GRAMD2B: variants seen among roughly 807,000 people sequenced by gnomAD.
GRAMD2B encodes GRAM domain-containing protein 2B.
GRAMD2B carries 41 observed loss-of-function variants against 59.2 expected under a neutral mutation model. That is an observed-to-expected ratio of 0.69 (90% CI 0.54 to 0.90). The LOEUF is 0.90. Ranked by LOEUF, GRAMD2B falls within the 40% of genes least tolerant of loss-of-function variation. The pLI is 0.00. For synonymous variants in GRAMD2B, 161 were observed against 182.7 expected, an observed-to-expected ratio of 0.88 and a Z score of 0.96; for missense variants, 424 against 500.5, an observed-to-expected ratio of 0.85 and a Z score of 1.46.
chr5:126,400,610 G>A (rs1368212284), intron 1 of GRAMD2B, among the ~76,000 whole-genome samples: 1 of 152,106 alleles, frequency 6.6e-6, no homozygotes, highest in Non-Finnish European at 1.5e-5. Flanking sequence ...TCAACATGAA[G>A]AATGCCCTTT....
At chr5:126,378,304 G>A (rs1488774300) in intron 1 of GRAMD2B, among the ~76,000 whole-genome samples, 2 of 152,084 alleles carry the variant, frequency 1.3e-5, no homozygotes, top group African/African-American at 4.8e-5. Context: ...AGAGATCAAT[G>A]AGTATCAGCT....
intron 1 of GRAMD2B, among the ~76,000 whole-genome samples, chr5:126,394,535 G>A (rs1418098344): frequency 6.6e-6 from 1 of 152,132 alleles, no homozygotes; most frequent in Admixed American, 6.5e-5. Flanking sequence ...AAGTGTTAAA[G>A]TCTTTGATTG....
At chr5:126,367,742 A>ATTTTC (rs200204515), upstream of GRAMD2B, among the ~76,000 whole-genome samples, 1,735 of 151,964 alleles carry the variant, frequency 0.011, 15 homozygotes, top group Non-Finnish European at 0.017. Context: ...GCTTCAGAAG[A>ATTTTC]TTTTCTTTTC....
intron 1 of GRAMD2B, among the ~76,000 whole-genome samples, chr5:126,451,078 G>T (rs1047440015): frequency 2.0e-5 from 3 of 152,168 alleles, no homozygotes; most frequent in Admixed American, 6.5e-5. Flanking sequence ...CCCTACATCT[G>T]GAAAACCCAC....
intron 1 of GRAMD2B, among the ~76,000 whole-genome samples, chr5:126,416,586 A>G (rs1759287154): frequency 6.6e-6 from 1 of 152,194 alleles, no homozygotes; most frequent in South Asian, 2.1e-4. Flanking sequence ...ATAATAAACC[A>G]AGGGACAGAA....
At chr5:126,430,402 T>G (rs1343430861) in intron 1 of GRAMD2B, among the ~76,000 whole-genome samples, 1 of 152,212 alleles carries the variant, frequency 6.6e-6, no homozygotes, top group Non-Finnish European at 1.5e-5. Flanking sequence ...CATTTCCAGG[T>G]GTAATTCCAT....
chr5:126,448,884 G>A (rs761493122), intron 1 of GRAMD2B, among the ~76,000 whole-genome samples: 2 of 152,168 alleles, frequency 1.3e-5, no homozygotes, highest in Admixed American at 6.5e-5. Flanking sequence ...CTTACATGCC[G>A]GCCTCAAACA....
Position 126,486,615 on chromosome 5 carries a change from T to C in GRAMD2B, c.1059-258T>C, listed in dbSNP as rs1462272881. The stretch of plus-strand genomic sequence containing the variant: ...CACTGGCTTGGTACTCCAACTTGGG[T>C]CTGGCTCTGACCAGTGCTATTAGAA... On this transcript the variant is annotated intron_variant, in intron 11 of 13. Coordinates refer to ENST00000285689, the MANE Select transcript of GRAMD2B (RefSeq NM_023927.4). Among the ~76,000 whole-genome samples the C allele has an allele frequency of 2.6e-5, 4 of 152,176 alleles. No homozygotes were observed. The East Asian group carries it at 7.7e-4, about 29-fold the overall frequency.
chr5:126,386,508 T>G (rs1204684793), intron 1 of GRAMD2B, among the ~76,000 whole-genome samples: 2 of 152,232 alleles, frequency 1.3e-5, no homozygotes, highest in African/African-American at 4.8e-5. Context: ...TAGGTAGCTC[T>G]GGCTCAGGGA....
At chr5:126,375,001 AATTCAACATCTTTACGATGTTAAAT>A (rs1379709577) in intron 1 of GRAMD2B, among the ~76,000 whole-genome samples, 1 of 152,234 alleles carries the variant, frequency 6.6e-6, no homozygotes, top group African/African-American at 2.4e-5. Flanking sequence ...AACTTGAGAA[AATTCAACATCTTTACGATGTTAAAT>A]ATACCAATTC....
chr5:126,456,865 T>C (rs1766370008), intron 1 of GRAMD2B, among the ~76,000 whole-genome samples: 1 of 152,210 alleles, frequency 6.6e-6, no homozygotes, highest in Non-Finnish European at 1.5e-5. Context: ...TGCTCTCTTT[T>C]TCAGTTTAGA....
At chr5:126,435,186 A>G (rs1411492419) in intron 1 of GRAMD2B, among the ~76,000 whole-genome samples, 1 of 152,134 alleles carries the variant, frequency 6.6e-6, no homozygotes, top group African/African-American at 2.4e-5. Flanking sequence ...GGAGAGGGGA[A>G]TGGGATGCAT....
chr5:126,391,849 T>A (rs912421591), intron 1 of GRAMD2B, among the ~76,000 whole-genome samples: 1 of 152,184 alleles, frequency 6.6e-6, no homozygotes, highest in Non-Finnish European at 1.5e-5. Flanking sequence ...ATTCTGTTTG[T>A]GGTACTAAAA....
chr5:126,443,246 C>A (rs963166395), intron 1 of GRAMD2B, among the ~76,000 whole-genome samples: 1 of 152,192 alleles, frequency 6.6e-6, no homozygotes, highest in African/African-American at 2.4e-5. Context: ...TTACAAGTCC[C>A]ATGCCTAAAT....
At chr5:126,387,567 T>G (rs142649779) in intron 1 of GRAMD2B, among the ~76,000 whole-genome samples, 1 of 151,170 alleles carries the variant, frequency 6.6e-6, no homozygotes, top group East Asian at 1.9e-4. Flanking sequence ...GTATTTATAA[T>G]TATATATATG....
intron 1 of GRAMD2B, among the ~76,000 whole-genome samples, chr5:126,410,023 G>A (rs1410483179): frequency 1.7e-4 from 25 of 151,376 alleles, no homozygotes; most frequent in South Asian, 1.3e-3. Flanking sequence ...ATTTCTGAGG[G>A]CTCTGTTCTG....
chr5:126,451,174 G>T (rs934936799), intron 1 of GRAMD2B, among the ~76,000 whole-genome samples: 1 of 152,234 alleles, frequency 6.6e-6, no homozygotes, highest in African/African-American at 2.4e-5. Context: ...GGCCTTGGGA[G>T]CCCACTCCTT....
chr5:126,457,681 A>T (rs1766574453), intron 1 of GRAMD2B, among the ~76,000 whole-genome samples: 3 of 152,018 alleles, frequency 2.0e-5, no homozygotes. Flanking sequence ...ATTCAAGTTA[A>T]ATCTTAAAGG....
chr5:126,393,470 G>A (rs1331856561), intron 1 of GRAMD2B, among the ~76,000 whole-genome samples: 1 of 152,122 alleles, frequency 6.6e-6, no homozygotes, highest in South Asian at 2.1e-4. Context: ...TCAGCCCTTT[G>A]ACAAAAATAT....
Sources: gnomAD v4.1 joint callset for allele counts (sites outside exome capture counted in the v4.1 genomes callset) on GRCh38, gnomAD v4.1.1 for gene constraint, MANE v1.5 for transcripts, NCBI Gene and HGNC (gene_info 2026-07-23, HGNC 2026-07-21) for gene names.